Variants in CDKL5 observed in about 807,000 individuals in gnomAD.
CDKL5 encodes cyclin dependent kinase like 5, also known as cyclin-dependent kinase-like 5.
CDKL5 carries 8 observed loss-of-function variants against 61.7 expected under a neutral mutation model. The observed-to-expected ratio is 0.13, with a 90% CI of 0.08 to 0.23. The LOEUF is 0.23. Ranked by LOEUF, CDKL5 falls within the 10% of genes least tolerant of loss-of-function variation. The pLI, the probability that CDKL5 is intolerant of heterozygous loss-of-function variation, is 1.00. For synonymous variants in CDKL5, 275 were observed against 272.3 expected (o/e 1.01, Z -0.10); for missense variants, 440 against 734.5 (o/e 0.60, Z 4.63).
At chrX:18,560,780 C>T (rs1349318356) in intron 3 of CDKL5, among the ~76,000 whole-genome samples, 1 of 107,419 alleles carries the variant, frequency 9.3e-6, no homozygotes, top group East Asian at 2.9e-4. Context: ...AAAAAATACA[C>T]ACACACACAC....
chrX:18,546,661 T>C (rs1924210883), intron 3 of CDKL5, among the ~76,000 whole-genome samples: 1 of 112,121 alleles, frequency 8.9e-6, no homozygotes, highest in South Asian at 3.7e-4. Context: ...CTGAACTGCC[T>C]AACCCATCCA....
At position 18,498,635 on chromosome X, in the gene CDKL5, A is replaced by G. The variant is rs190208615; in HGVS notation, c.-162-8300A>G. On this transcript the variant is annotated intron_variant, in intron 1 of 17. Coordinates refer to ENST00000623535, the MANE Select transcript of CDKL5 (RefSeq NM_001323289.2). ...TATTTTTGTTATTGTTAAGTGTATT[A>G]TGTTTTCTTCCTTGATTGACATATG... 2.2e-4 allele frequency among the ~76,000 whole-genome samples: 25 copies of G among 111,769 alleles called. No homozygotes were observed. The East Asian group carries it at 5.9e-3, about 26-fold the overall frequency.
exon 22 of CDKL5, chrX:18,653,487 G>A: frequency 5.0e-6 from 6 of 1,211,713 alleles, no homozygotes; most frequent in Non-Finnish European, 6.7e-6. Context: ...ACAGGGCCCA[G>A]GTAAACCAAG....
At chrX:18,570,433 G>C (rs934266927) in intron 4 of CDKL5, among the ~76,000 whole-genome samples, 4 of 111,438 alleles carry the variant, frequency 3.6e-5, no homozygotes, top group African/African-American at 9.8e-5. Context: ...CATCTTTCTT[G>C]GTGTATGTAA....
intron 14 of CDKL5, among the ~76,000 whole-genome samples, chrX:18,612,334 G>A (rs906197558): frequency 9.0e-6 from 1 of 111,348 alleles, no homozygotes; most frequent in African/African-American, 3.3e-5. Flanking sequence ...ATGCCAAAAC[G>A]GTGGCAGGGA....
intron 11 of CDKL5, among the ~76,000 whole-genome samples, chrX:18,599,508 C>T (rs1411113995): frequency 1.8e-5 from 2 of 112,426 alleles, no homozygotes; most frequent in Admixed American, 1.9e-4. Flanking sequence ...GGCTGGAGAG[C>T]AGTGGCATGA....
chrX:18,581,485 A>C (rs1925479951), intron 6 of CDKL5, among the ~76,000 whole-genome samples: 1 of 111,934 alleles, frequency 8.9e-6, no homozygotes, highest in Non-Finnish European at 1.9e-5. Context: ...AATGCTAGCT[A>C]CTTATTCTCA....
intron 1 of CDKL5, among the ~76,000 whole-genome samples, chrX:18,470,347 GAAGAAAAGAAAAAAAAAAAAA>G (rs1569189748): frequency 3.0e-4 from 1 of 3,338 alleles, no homozygotes; most frequent in African/African-American, 1.4e-3. Context: ...AAAAAAAAAA[GAAGAAAAGAAAAAAAAAAAAA>G]AGAAGAAAAG....
chrX:18,612,667 AAGAG>A (rs1303518989), intron 14 of CDKL5, among the ~76,000 whole-genome samples: 63 of 107,977 alleles, frequency 5.8e-4, no homozygotes, highest in South Asian at 1.2e-3. Flanking sequence ...AAAAAAAAAA[AAGAG>A]AGAGAGAAAA....
chrX:18,648,959 G>T (rs1436439936), intron 20 of CDKL5, among the ~76,000 whole-genome samples: 1 of 106,423 alleles, frequency 9.4e-6, no homozygotes, highest in African/African-American at 3.4e-5. Flanking sequence ...GAGGGAGGAG[G>T]ATTGCTTGAG....
intron 3 of CDKL5, among the ~76,000 whole-genome samples, chrX:18,556,372 G>A (rs1924602237): frequency 9.0e-6 from 1 of 111,362 alleles, no homozygotes; most frequent in African/African-American, 3.3e-5. Flanking sequence ...CATACACATG[G>A]CTTGCAAAGA....
chrX:18,510,257 C>T (rs748461774), intron 2 of CDKL5, among the ~76,000 whole-genome samples: 1 of 111,569 alleles, frequency 9.0e-6, no homozygotes, highest in African/African-American at 3.3e-5. Flanking sequence ...TGGGTTCAAA[C>T]GATTCTCCTG....
chrX:18,436,285 G>A (rs944015481), intron 1 of CDKL5, among the ~76,000 whole-genome samples: 1 of 110,547 alleles, frequency 9.0e-6, no homozygotes, highest in Non-Finnish European at 1.9e-5. Context: ...GGTGGAAGAG[G>A]TAGAGAAGGT....
intron 1 of CDKL5, among the ~76,000 whole-genome samples, chrX:18,490,620 G>C (rs1013779231): frequency 9.0e-6 from 1 of 111,385 alleles, no homozygotes; most frequent in African/African-American, 3.3e-5. Flanking sequence ...TTAAAAAATT[G>C]TATCCTCTTT....
chrX:18,478,431 C>T (rs1418020615), intron 1 of CDKL5, among the ~76,000 whole-genome samples: 3 of 107,090 alleles, frequency 2.8e-5, no homozygotes, highest in Non-Finnish European at 5.8e-5. Flanking sequence ...GCTGGGATAA[C>T]AGGCATGCAC....
intron 11 of CDKL5, 93 bp downstream of exon 11, chrX:18,598,706 G>T: frequency 1.2e-6 from 1 of 845,647 alleles, no homozygotes; most frequent in Non-Finnish European, 1.8e-6. Flanking sequence ...TTAGAGAAAA[G>T]AAGGAAAGCC....
chrX:18,579,804 G>A (rs374985331), intron 5 of CDKL5, 44 bp from the exon 6 acceptor site: 16 of 1,153,260 alleles, frequency 1.4e-5, no homozygotes, highest in South Asian at 3.6e-5. Flanking sequence ...CATAATTTAC[G>A]GGCCTACCTA....
chrX:18,487,306 G>A (rs1238918256), intron 1 of CDKL5, among the ~76,000 whole-genome samples: 1 of 111,944 alleles, frequency 8.9e-6, no homozygotes, highest in Non-Finnish European at 1.9e-5. Flanking sequence ...AAATTGGAGT[G>A]AGCTGTTTTG....
intron 4 of CDKL5, among the ~76,000 whole-genome samples, chrX:18,565,869 A>G (rs1416377182): frequency 5.4e-5 from 6 of 111,924 alleles, no homozygotes; most frequent in Non-Finnish European, 1.9e-5. Context: ...CAAATGGGAT[A>G]TTTGTGGTCT....
Sources: gnomAD v4.1 joint callset for allele counts (sites outside exome capture counted in the v4.1 genomes callset) on GRCh38, gnomAD v4.1.1 for gene constraint, MANE v1.5 for transcripts, NCBI Gene and HGNC (gene_info 2026-07-23, HGNC 2026-07-21) for gene names.